SMCO2: variants seen among roughly 807,000 people sequenced by gnomAD.
SMCO2 encodes single-pass membrane protein with coiled-coil domains 2.
Under a neutral mutation model 29.5 loss-of-function variants are expected in SMCO2, and 25 were observed. The ratio of observed to expected loss-of-function variants is 0.85; its 90% confidence interval spans 0.62 to 1.18. SMCO2 has a LOEUF of 1.18. SMCO2 is among the 50% of genes most tolerant of loss of function. SMCO2 has a pLI of 0.00. For missense variants in SMCO2, 348 were observed against 344.5 expected (o/e 1.01, Z -0.08); for synonymous variants, 117 against 123.3 (o/e 0.95, Z 0.34).
chr12:27,453,406 A>C, the SMCO2 span, among the ~76,000 whole-genome samples: 1 of 152,298 alleles, frequency 6.6e-6, no homozygotes, highest in East Asian at 1.9e-4. Flanking sequence ...GAAAATCTAT[A>C]CCTTGGATGA....
chr12:27,448,868 C>G, the SMCO2 span, among the ~76,000 whole-genome samples: 5 of 151,860 alleles, frequency 3.3e-5, no homozygotes, highest in East Asian at 5.8e-4. Context: ...CCCGCTCCCA[C>G]ACATAGTCTA....
At chr12:27,498,038 A>C (rs1167281965) in intron 7 of SMCO2, 1 of 281,662 alleles carries the variant, frequency 3.6e-6, no homozygotes, top group East Asian at 9.2e-5. Flanking sequence ...ATCCATGGAC[A>C]AATTGAAGGA....
chr12:27,449,688 T>C, the SMCO2 span, among the ~76,000 whole-genome samples: 1 of 152,222 alleles, frequency 6.6e-6, no homozygotes, highest in Non-Finnish European at 1.5e-5. Flanking sequence ...CCAATACAAA[T>C]CCATTGAGTG....
the SMCO2 span, among the ~76,000 whole-genome samples, chr12:27,425,498 A>C: frequency 1.3e-5 from 2 of 152,178 alleles, no homozygotes. Flanking sequence ...CTCCAACGTC[A>C]TCAGCCTTAT....
Position 27,494,425 on chromosome 12 carries a change from T to G in SMCO2, c.507+69T>G. ...AATTTATGTCTAAATACAGGGGTCA[T>G]TCATTGCCTAGAATATGACGGTGCA... is the stretch of plus-strand genomic sequence containing the variant. On this transcript the variant is annotated intron_variant, in intron 6 of 7. Transcript: ENST00000298876. The G allele has an allele frequency of 4.7e-6, 5 of 1,070,548 alleles. No homozygotes were observed. The South Asian group carries it at 8.4e-5, about 18-fold the overall frequency. 66.3% of individuals were successfully genotyped at this position (1,070,548 alleles called of 1,614,324 possible).
the SMCO2 span, among the ~76,000 whole-genome samples, chr12:27,452,432 G>T: frequency 6.6e-6 from 1 of 152,062 alleles, no homozygotes; most frequent in South Asian, 2.1e-4. Context: ...TGGACACTTA[G>T]GTTTATTCTA....
At chr12:27,424,085 AG>A in the SMCO2 span, 1 of 152,266 alleles carries the variant, frequency 6.6e-6, no homozygotes, top group South Asian at 2.1e-4. Flanking sequence ...CATTAAAATT[AG>A]TTCTACTTGT....
At chr12:27,460,952 G>A in the SMCO2 span, among the ~76,000 whole-genome samples, 4 of 152,178 alleles carry the variant, frequency 2.6e-5, no homozygotes, top group African/African-American at 4.8e-5. Context: ...ATATGACCAA[G>A]TCAGTCCTGG....
chr12:27,484,506 T>C (rs1949670815), intron 4 of SMCO2, among the ~76,000 whole-genome samples: 1 of 152,246 alleles, frequency 6.6e-6, no homozygotes, highest in Non-Finnish European at 1.5e-5. Flanking sequence ...TATAATTATA[T>C]ACTGACATTT....
Position 27,474,287 on chromosome 12 carries a change from T to A in SMCO2, c.235-499T>A, listed in dbSNP as rs564170843. ...ACATCTGGGAAAATTAGCATTAATATAATAATCTCAATTCTCTCAATATTC... is the reference window on the plus strand; with the variant it reads ...ACATCTGGGAAAATTAGCATTAATAAAATAATCTCAATTCTCTCAATATTC... On this transcript the variant is annotated intron_variant, in intron 3 of 7. Transcript: ENST00000298876. 2.6e-5 allele frequency among the ~76,000 whole-genome samples: 4 copies of A among 152,338 alleles called. No homozygotes were observed. The East Asian group carries it at 7.7e-4, about 29-fold the overall frequency.
the SMCO2 span, among the ~76,000 whole-genome samples, chr12:27,438,977 A>G: frequency 6.6e-6 from 1 of 152,196 alleles, no homozygotes; most frequent in Non-Finnish European, 1.5e-5. Context: ...CCACATGGAA[A>G]ATCCCCATCC....
At chr12:27,432,934 G>A in the SMCO2 span, among the ~76,000 whole-genome samples, 1 of 151,980 alleles carries the variant, frequency 6.6e-6, no homozygotes, top group Non-Finnish European at 1.5e-5. Flanking sequence ...AACCATTTTT[G>A]TTATATTGTT....
chr12:27,432,588 C>T, the SMCO2 span, among the ~76,000 whole-genome samples: 2 of 152,258 alleles, frequency 1.3e-5, no homozygotes, highest in African/African-American at 2.4e-5. Flanking sequence ...TGTACCATAT[C>T]CTCTCTACAT....
rs1555174993 is a variant in SMCO2 at position 27,487,941 on chromosome 12, T to TTA, written c.363-519_363-518insTA. On this transcript the variant is annotated intron_variant, in intron 4 of 7. Coordinates refer to ENST00000298876, the Ensembl canonical transcript of SMCO2. Reference sequence around the variant, plus strand: ...TTTTCTAATTGGATAGGTTTTTTTTTAATGTTGAGCTTTTTTTGAGATTTT... The same window carrying TTA: ...TTTTCTAATTGGATAGGTTTTTTTTTTAAATGTTGAGCTTTTTTTGAGATTTT... Among the ~76,000 whole-genome samples, 8 of 152,044 alleles carry TTA rather than the reference T, an allele frequency of 5.3e-5. No homozygotes were observed. In the East Asian group the frequency reaches 1.4e-3, roughly 26 times the overall value.
intron 4 of SMCO2, among the ~76,000 whole-genome samples, chr12:27,476,862 A>G (rs1949591000): frequency 6.6e-6 from 1 of 152,024 alleles, no homozygotes; most frequent in South Asian, 2.1e-4. Flanking sequence ...GTTATTATTG[A>G]TAAGTAAGGA....
At chr12:27,465,484 T>G (rs1949491658), upstream of SMCO2, among the ~76,000 whole-genome samples, 1 of 152,152 alleles carries the variant, frequency 6.6e-6, no homozygotes, top group African/African-American at 2.4e-5. Flanking sequence ...GGAGTCTGGT[T>G]CCTAACTAGG....
chr12:27,427,594 G>T, the SMCO2 span, among the ~76,000 whole-genome samples: 1 of 152,100 alleles, frequency 6.6e-6, no homozygotes, highest in Non-Finnish European at 1.5e-5. Context: ...AACTTTAAAG[G>T]CACCCTTGAA....
chr12:27,470,253 T>A (rs186772690), intron 1 of SMCO2, among the ~76,000 whole-genome samples: 1 of 152,336 alleles, frequency 6.6e-6, no homozygotes, highest in Non-Finnish European at 1.5e-5. Context: ...TTTTTTCTTT[T>A]GCCCTTTTTA....
At chr12:27,489,555 T>C (rs1386112466) in intron 5 of SMCO2, among the ~76,000 whole-genome samples, 10 of 152,178 alleles carry the variant, frequency 6.6e-5, no homozygotes, top group African/African-American at 2.4e-5. Context: ...AGTTTAAATG[T>C]GAGTAGATTT....
Sources: gnomAD v4.1 joint callset for allele counts (sites outside exome capture counted in the v4.1 genomes callset) on GRCh38, gnomAD v4.1.1 for gene constraint, MANE v1.5 for transcripts, NCBI Gene and HGNC (gene_info 2026-07-23, HGNC 2026-07-21) for gene names.